The following SLC38A4 variants were observed in gnomAD, a reference collection of about 807,000 sequenced individuals.
The protein encoded by SLC38A4 is solute carrier family 38 member 4.
Under a neutral mutation model 63.1 loss-of-function variants are expected in SLC38A4, and 20 were observed. The observed-to-expected ratio is 0.32, with a 90% CI of 0.22 to 0.46. SLC38A4 has a LOEUF of 0.46. Ranked by LOEUF, SLC38A4 falls within the 20% of genes least tolerant of loss-of-function variation. The probability of loss-of-function intolerance (pLI) is 1.00; values close to 1 mark genes in which losing one functional copy is unlikely to be tolerated. For synonymous variants in SLC38A4, 230 were observed against 225.5 expected (o/e 1.02, Z -0.18); for missense variants, 526 against 663.6 (o/e 0.79, Z 2.28).
chr12:46,768,588 G>T (rs983295110), intron 15 of SLC38A4, among the ~76,000 whole-genome samples, 181 bp from the exon 16 acceptor site: 1 of 151,984 alleles, frequency 6.6e-6, no homozygotes, highest in African/African-American at 2.4e-5. Context: ...TGTTTATAGA[G>T]ACAATTAAAA....
chr12:46,796,941 C>T (rs898690182), intron 2 of SLC38A4, among the ~76,000 whole-genome samples: 1 of 152,122 alleles, frequency 6.6e-6, no homozygotes, highest in African/African-American at 2.4e-5. Flanking sequence ...ATGGGAAAAG[C>T]ACACTTATCT....
intron 1 of SLC38A4, among the ~76,000 whole-genome samples, chr12:46,804,858 T>C (rs1375233235): frequency 6.6e-6 from 1 of 152,050 alleles, no homozygotes; most frequent in Non-Finnish European, 1.5e-5. Context: ...TGTACTAATT[T>C]TAACGGTAGG....
At chr12:46,783,632 T>C (rs1938696597) in intron 7 of SLC38A4, among the ~76,000 whole-genome samples, 1 of 152,006 alleles carries the variant, frequency 6.6e-6, no homozygotes, top group African/African-American at 2.4e-5. Context: ...TGCCATTTGA[T>C]TGGACATGCA....
At chr12:46,794,993 A>G (rs759797598) in intron 2 of SLC38A4, among the ~76,000 whole-genome samples, 8 of 151,994 alleles carry the variant, frequency 5.3e-5, no homozygotes, top group Non-Finnish European at 8.8e-5. Flanking sequence ...GGTAAAAGAA[A>G]AAAAAAAGAA....
intron 2 of SLC38A4, among the ~76,000 whole-genome samples, chr12:46,798,590 C>T (rs1262508754): frequency 6.6e-6 from 1 of 152,186 alleles, no homozygotes; most frequent in Admixed American, 6.5e-5. Flanking sequence ...TACATGTCTG[C>T]AGTCCAAAAG....
In SLC38A4 at chr12:46,766,392, T is replaced by C. The variant is rs1249963726; in HGVS notation, c.*309A>G. ...CAGGGGAAAGAGTACTATCTGATGA[T>C]TGTTACATGCAGTTACCCTTATTCT... On this transcript the variant is annotated 3_prime_UTR_variant, in exon 17 of 17. Transcript: ENST00000266579. The C allele has an allele frequency of 2.0e-6, 1 of 493,250 alleles. No individual in the cohort carries two copies. The highest frequency in any genetic ancestry group is 5.8e-5 in the East Asian group (1 of 17,258). The allele number at this position is 493,250 out of a possible 1,614,324, so 30.6% of individuals were successfully genotyped here.
chr12:46,807,336 T>C (rs2120878542), intron 1 of SLC38A4, among the ~76,000 whole-genome samples: 1 of 152,146 alleles, frequency 6.6e-6, no homozygotes, highest in East Asian at 1.9e-4. Context: ...TATGATGCCT[T>C]ATTCTCCAAG....
At chr12:46,790,199 G>A (rs1938855949) in intron 3 of SLC38A4, among the ~76,000 whole-genome samples, 1 of 152,156 alleles carries the variant, frequency 6.6e-6, no homozygotes, top group Non-Finnish European at 1.5e-5. Context: ...GAGGAAAGAG[G>A]ATGACAGGGT....
chr12:46,796,855 T>G (rs1939018562), intron 2 of SLC38A4, among the ~76,000 whole-genome samples: 1 of 152,152 alleles, frequency 6.6e-6, no homozygotes, highest in Non-Finnish European at 1.5e-5. Context: ...GGTGGATACC[T>G]GATCACTGGT....
chr12:46,778,174 A>G (rs1592177865), intron 12 of SLC38A4, 115 bp downstream of exon 12: 1 of 932,044 alleles, frequency 1.1e-6, no homozygotes. Context: ...GAGTGGATGG[A>G]GTACATATTT....
intron 2 of SLC38A4, among the ~76,000 whole-genome samples, chr12:46,802,481 A>C (rs1430040899): frequency 6.6e-6 from 1 of 152,178 alleles, no homozygotes; most frequent in African/African-American, 2.4e-5. Context: ...CTTAAAGCAC[A>C]CTGTATAACA....
At position 46,776,897 on chromosome 12, in the gene SLC38A4, G is replaced by A; in HGVS notation, c.1174+7C>T. The A allele has an allele frequency of 6.2e-7, 1 of 1,603,972 alleles. No individual in the cohort carries two copies. The highest frequency in any genetic ancestry group is 2.2e-5 in the East Asian group (1 of 44,766). ...GCATATAGAGAATGACTTTCAGAGTGACCTACCATAGAAGGTTAGGTAACC... is the reference window on the plus strand; with the variant it reads ...GCATATAGAGAATGACTTTCAGAGTAACCTACCATAGAAGGTTAGGTAACC... On this transcript the variant is annotated splice_region_variant and intron_variant, in intron 13 of 16. Coordinates refer to ENST00000266579, the MANE Select transcript of SLC38A4 (RefSeq NM_018018.5).
chr12:46,780,839 C>T (rs1418859840), intron 7 of SLC38A4, among the ~76,000 whole-genome samples: 1 of 151,898 alleles, frequency 6.6e-6, no homozygotes, highest in East Asian at 1.9e-4. Flanking sequence ...ACGCCTTTTT[C>T]AAGCCCACCC....
At chr12:46,784,513 G>GGCT (rs1565667481) in intron 7 of SLC38A4, 29 bp downstream of exon 7, 1 of 1,554,450 alleles carries the variant, frequency 6.4e-7, no homozygotes, top group East Asian at 2.3e-5. Context: ...GAAAGTTTAT[G>GGCT]GGATCCATTG....
chr12:46,828,872 C>G (rs562143395), upstream of SLC38A4, among the ~76,000 whole-genome samples: 2 of 152,128 alleles, frequency 1.3e-5, no homozygotes, highest in Non-Finnish European at 2.9e-5. Flanking sequence ...GAAGAAAGAA[C>G]TAAGAGACAT....
intron 1 of SLC38A4, among the ~76,000 whole-genome samples, chr12:46,806,684 A>T (rs990770529): frequency 6.6e-6 from 1 of 152,012 alleles, no homozygotes; most frequent in African/African-American, 2.4e-5. Context: ...TAAAATCTTC[A>T]TTTTCCTTAC....
At chr12:46,831,352 T>A (rs565751114) in intron 1 of SLC38A4, among the ~76,000 whole-genome samples, 13 of 152,120 alleles carry the variant, frequency 8.5e-5, no homozygotes, top group Admixed American at 8.5e-4. Flanking sequence ...CTTCATTCGC[T>A]CTTCTCTCAA....
In SLC38A4 at chr12:46,788,569, A is replaced by G. The variant is rs1448725972; in HGVS notation, c.169T>C (p.Phe57Leu). The G allele has an allele frequency of 6.2e-7, 1 of 1,613,620 alleles. No homozygotes were observed. The highest frequency in any genetic ancestry group is 1.3e-5 in the African/African-American group (1 of 74,912). Residue 57 changes from phenylalanine (F) to leucine (L), a missense_variant, in exon 4 of 17, where the codon TTT becomes CTT. Transcript: ENST00000266579. ...TCTGCCAGCTTCTTTTTCCCCAAAA[A>G]TCCATTTGTCAGGAATTTCTGACTT... ...TESQKFLTNG[F>L]LGKKKLADYA... is the part of the protein sequence containing the mutation.
upstream of SLC38A4, among the ~76,000 whole-genome samples, chr12:46,826,179 T>C (rs954034996): frequency 6.6e-6 from 1 of 152,160 alleles, no homozygotes; most frequent in Non-Finnish European, 1.5e-5. Flanking sequence ...GTACCGCGAG[T>C]GTACCCAGTG....
Sources: gnomAD v4.1 joint callset for allele counts (sites outside exome capture counted in the v4.1 genomes callset) on GRCh38, gnomAD v4.1.1 for gene constraint, MANE v1.5 for transcripts, NCBI Gene and HGNC (gene_info 2026-07-23, HGNC 2026-07-21) for gene names.